GPC5: variants seen among roughly 807,000 people sequenced by gnomAD.
GPC5 encodes glypican-5.
Under a neutral mutation model 53.9 loss-of-function variants are expected in GPC5, and 47 were observed. The ratio of observed to expected loss-of-function variants is 0.87; its 90% CI spans 0.69 to 1.11. The LOEUF (loss-of-function observed/expected upper bound fraction) is 1.11, where lower values mean the gene tolerates loss of function less well. Ranked by LOEUF, GPC5 falls within the 50% of genes most tolerant of loss-of-function variation. The pLI is 0.00. For missense variants in GPC5, 748 were observed against 713.1 expected (o/e 1.05, Z -0.56); for synonymous variants, 286 against 263.3 (o/e 1.09, Z -0.84).
intron 2 of GPC5, among the ~76,000 whole-genome samples, chr13:91,474,475 A>C (rs1462850562): frequency 6.6e-6 from 1 of 152,130 alleles, no homozygotes; most frequent in Admixed American, 6.6e-5. Context: ...CTTCCTTTGC[A>C]GTTGAACTGA....
chr13:92,073,877 C>G (rs2041232717), intron 6 of GPC5, among the ~76,000 whole-genome samples: 1 of 152,124 alleles, frequency 6.6e-6, no homozygotes, highest in African/African-American at 2.4e-5. Context: ...ATCATGGGGG[C>G]TGTTACTCCC....
intron 3 of GPC5, among the ~76,000 whole-genome samples, chr13:91,696,159 A>T (rs1046982080): frequency 1.3e-5 from 2 of 152,212 alleles, no homozygotes; most frequent in Admixed American, 1.3e-4. Flanking sequence ...CCCTAAGCAG[A>T]CCTTGGTGAA....
intron 1 of GPC5, among the ~76,000 whole-genome samples, chr13:91,424,490 G>C (rs1878879725): frequency 6.7e-6 from 1 of 149,934 alleles, no homozygotes; most frequent in Non-Finnish European, 1.5e-5. Context: ...TCAGCCTCCC[G>C]AGTAGCTGGG....
At chr13:92,712,290 A>C (rs1888166017) in intron 7 of GPC5, among the ~76,000 whole-genome samples, 1 of 152,008 alleles carries the variant, frequency 6.6e-6, no homozygotes, top group Admixed American at 6.6e-5. Context: ...TTGACGACAT[A>C]GATGAAACAG....
At chr13:91,756,091 T>C (rs1233839608) in intron 4 of GPC5, among the ~76,000 whole-genome samples, 1 of 130,144 alleles carries the variant, frequency 7.7e-6, no homozygotes, top group Non-Finnish European at 1.6e-5. Context: ...AAAAAAAAAG[T>C]AATGTATTTT....
intron 7 of GPC5, among the ~76,000 whole-genome samples, chr13:92,487,846 A>G (rs1329709663): frequency 7.5e-6 from 1 of 132,822 alleles, no homozygotes; most frequent in Non-Finnish European, 1.6e-5. Context: ...ATAGTAAAAA[A>G]AAAAAAAAAA....
At chr13:92,310,784 A>C (rs937466094) in intron 7 of GPC5, among the ~76,000 whole-genome samples, 2 of 152,200 alleles carry the variant, frequency 1.3e-5, no homozygotes, top group African/African-American at 4.8e-5. Context: ...GCATTGTAAA[A>C]ACTGTTTAAC....
At chr13:91,526,533 C>T (rs1886093818) in intron 2 of GPC5, among the ~76,000 whole-genome samples, 2 of 152,136 alleles carry the variant, frequency 1.3e-5, no homozygotes, top group African/African-American at 4.8e-5. Context: ...GAGCCTAGAA[C>T]TTATATTTAA....
intron 2 of GPC5, among the ~76,000 whole-genome samples, chr13:91,454,858 C>T (rs1408011090): frequency 6.6e-6 from 1 of 152,012 alleles, no homozygotes; most frequent in Non-Finnish European, 1.5e-5. Context: ...CTCTGTTGCT[C>T]AAATAATCCT....
At chr13:92,237,670 A>T (rs1051564842) in intron 7 of GPC5, among the ~76,000 whole-genome samples, 1 of 152,102 alleles carries the variant, frequency 6.6e-6, no homozygotes, top group South Asian at 2.1e-4. Context: ...CTTTGTCGAG[A>T]TAGAGTTCAC....
chr13:91,408,262 T>C (rs918840737), intron 1 of GPC5, among the ~76,000 whole-genome samples: 3 of 152,194 alleles, frequency 2.0e-5, no homozygotes, highest in Non-Finnish European at 2.9e-5. Flanking sequence ...CCTCTCTCTT[T>C]CTATGAGATC....
At chr13:92,839,124 A>T (rs748701249) in intron 7 of GPC5, among the ~76,000 whole-genome samples, 9 of 152,214 alleles carry the variant, frequency 5.9e-5, no homozygotes, top group Non-Finnish European at 1.2e-4. Flanking sequence ...AGCACTTACG[A>T]TAATGTCTGC....
chr13:91,405,712 A>G (rs549350600), intron 1 of GPC5, among the ~76,000 whole-genome samples: 1 of 152,300 alleles, frequency 6.6e-6, no homozygotes, highest in Admixed American at 6.5e-5. Context: ...TGTGCAGTCA[A>G]GCAGGATCCT....
intron 2 of GPC5, among the ~76,000 whole-genome samples, chr13:91,463,419 C>T (rs766601417): frequency 3.9e-5 from 6 of 152,028 alleles, no homozygotes; most frequent in African/African-American, 9.7e-5. Flanking sequence ...TAAAGATACA[C>T]GTCCAAGCAT....
At chr13:92,787,675 A>AAAAAAG (rs1566418540) in intron 7 of GPC5, among the ~76,000 whole-genome samples, 1 of 149,424 alleles carries the variant, frequency 6.7e-6, no homozygotes, top group Non-Finnish European at 1.5e-5. Flanking sequence ...TACAAAAAAA[A>AAAAAAG]AAAAAAAAGA....
At chr13:91,727,379 C>A (rs1185422598) in intron 3 of GPC5, among the ~76,000 whole-genome samples, 1 of 152,122 alleles carries the variant, frequency 6.6e-6, no homozygotes, top group Non-Finnish European at 1.5e-5. Flanking sequence ...CATCCATTGT[C>A]AGCCTCACTT....
chr13:92,002,463 T>C (rs2040564183), intron 6 of GPC5, among the ~76,000 whole-genome samples: 1 of 152,138 alleles, frequency 6.6e-6, no homozygotes, highest in Non-Finnish European at 1.5e-5. Flanking sequence ...CCATAATGTC[T>C]TACATGGAGA....
intron 7 of GPC5, among the ~76,000 whole-genome samples, chr13:92,491,941 T>C (rs903263636): frequency 4.6e-5 from 7 of 152,182 alleles, no homozygotes; most frequent in African/African-American, 1.7e-4. Context: ...TTAGCCTTCA[T>C]AATTGCAGAA....
chr13:92,640,340 A>G (rs1171060442), intron 7 of GPC5, among the ~76,000 whole-genome samples: 2 of 151,936 alleles, frequency 1.3e-5, no homozygotes, highest in Non-Finnish European at 2.9e-5. Flanking sequence ...GCTCACTGCA[A>G]GCTCCACCTC....
Sources: gnomAD v4.1 joint callset for allele counts (sites outside exome capture counted in the v4.1 genomes callset) on GRCh38, gnomAD v4.1.1 for gene constraint, MANE v1.5 for transcripts, NCBI Gene and HGNC (gene_info 2026-07-23, HGNC 2026-07-21) for gene names.